SNX24: variants seen among roughly 807,000 people sequenced by gnomAD.
The protein encoded by SNX24 is sorting nexin 24.
A neutral mutation model predicts 28.7 loss-of-function variants in SNX24; 22 were observed. That is an observed-to-expected ratio of 0.77 (90% CI 0.55 to 1.10). SNX24 has a LOEUF of 1.10. Ranked by LOEUF, SNX24 falls within the 50% of genes least tolerant of loss-of-function variation. The pLI is 0.00. For synonymous variants in SNX24, 69 were observed against 71.5 expected, an observed-to-expected ratio of 0.96 and a Z score of 0.18; for missense variants, 221 against 201.1, an observed-to-expected ratio of 1.10 and a Z score of -0.60.
chr5:122,931,548 T>G (rs1758957446), intron 1 of SNX24, among the ~76,000 whole-genome samples: 1 of 152,158 alleles, frequency 6.6e-6, no homozygotes, highest in Admixed American at 6.5e-5. Flanking sequence ...AATGTTGATT[T>G]CAAGCCTGGC....
At chr5:123,025,946 T>C (rs1270522419) in intron 5 of SNX24, 3 of 1,606,382 alleles carry the variant, frequency 1.9e-6, no homozygotes, top group Non-Finnish European at 2.5e-6. Context: ...CATCTGGAAA[T>C]GTCTCACCAT....
rs1370173136 is a variant in SNX24, at chr5:122,879,705, GAGACAGGGTCTCAC to G, written c.60+34013_60+34026del. Among the ~76,000 whole-genome samples the G allele has an allele frequency of 2.0e-5, 3 of 152,100 alleles. No homozygotes were observed. The East Asian group carries it at 5.8e-4, about 29-fold the overall frequency. ...TATGTATGTATGTATGTATTTAATA[GAGACAGGGTCTCAC>G]TATGTTGTCCAGGCTGGTCTTAAAC... On this transcript the variant is annotated intron_variant, in intron 1 of 6. Coordinates refer to ENST00000261369, the MANE Select transcript of SNX24 (RefSeq NM_014035.4).
chr5:122,994,366 C>T (rs1216054596), intron 3 of SNX24, among the ~76,000 whole-genome samples: 1 of 152,186 alleles, frequency 6.6e-6, no homozygotes, highest in Non-Finnish European at 1.5e-5. Context: ...CGGCGTTATC[C>T]TGTGATATTT....
chr5:123,024,277 C>T (rs567184182), intron 5 of SNX24, among the ~76,000 whole-genome samples: 38 of 152,298 alleles, frequency 2.5e-4, no homozygotes, highest in African/African-American at 8.9e-4. Context: ...TTTAAATAAG[C>T]ATTTTATATT....
chr5:122,873,246 A>T lies in SNX24; in HGVS notation c.60+27553A>T, dbSNP rs572399302. Among the ~76,000 whole-genome samples, 5 of 152,086 alleles carry T rather than the reference A, an allele frequency of 3.3e-5. No homozygotes were observed. The South Asian group carries it at 8.3e-4, about 25-fold the overall frequency. On this transcript the variant is annotated intron_variant, in intron 1 of 6. Transcript: ENST00000261369. Reference sequence around the variant, plus strand: ...TACCTCAGCCTACCAAAGTGCTGGGATTTCCGGCATGAGACCATACCCAGT... The same window carrying T: ...TACCTCAGCCTACCAAAGTGCTGGGTTTTCCGGCATGAGACCATACCCAGT...
intron 3 of SNX24, chr5:122,965,658 T>C: frequency 3.4e-6 from 1 of 290,526 alleles, no homozygotes; most frequent in Non-Finnish European, 7.0e-6. Context: ...GTAATTTGGC[T>C]GTTGGGCTTT....
intron 3 of SNX24, among the ~76,000 whole-genome samples, chr5:122,957,015 T>G (rs1359758995): frequency 6.6e-6 from 1 of 152,214 alleles, no homozygotes; most frequent in African/African-American, 2.4e-5. Context: ...ATTTTAAATT[T>G]TCATGAAGTG....
chr5:123,005,309 C>G (rs1464745968), intron 6 of SNX24, among the ~76,000 whole-genome samples: 1 of 152,218 alleles, frequency 6.6e-6, no homozygotes, highest in Non-Finnish European at 1.5e-5. Flanking sequence ...TCAGCACTTG[C>G]TGTTCCCTCT....
At chr5:123,014,681 A>G (rs1762651462) in intron 5 of SNX24, among the ~76,000 whole-genome samples, 1 of 152,136 alleles carries the variant, frequency 6.6e-6, no homozygotes, top group African/African-American at 2.4e-5. Context: ...TGATCTTTTT[A>G]AAATGTTGAT....
chr5:122,951,669 A>G (rs1311372336), intron 3 of SNX24, among the ~76,000 whole-genome samples: 1 of 152,246 alleles, frequency 6.6e-6, no homozygotes, highest in African/African-American at 2.4e-5. Flanking sequence ...TAAGTAGTAG[A>G]TGGGCAAGGA....
At chr5:122,873,654 G>A (rs890451007) in intron 1 of SNX24, among the ~76,000 whole-genome samples, 2 of 151,992 alleles carry the variant, frequency 1.3e-5, no homozygotes, top group African/African-American at 4.8e-5. Context: ...GGTTTTTGAA[G>A]GCCTGAATTT....
chr5:123,028,786 T>G, intron 5 of SNX24: 1 of 1,612,240 alleles, frequency 6.2e-7, no homozygotes, highest in Non-Finnish European at 8.5e-7. Flanking sequence ...CCCAGTGCCA[T>G]CTCCAGTGGT....
At chr5:122,865,364 T>G (rs934361688) in intron 1 of SNX24, among the ~76,000 whole-genome samples, 2 of 152,270 alleles carry the variant, frequency 1.3e-5, no homozygotes, top group African/African-American at 4.8e-5. Flanking sequence ...TGAATCTTGC[T>G]CTGTTGCCCA....
chr5:122,854,922 C>A (rs1459365718), intron 1 of SNX24, among the ~76,000 whole-genome samples: 2 of 152,094 alleles, frequency 1.3e-5, no homozygotes, highest in Non-Finnish European at 2.9e-5. Flanking sequence ...AATGTACATA[C>A]CTTAATTAAA....
At chr5:122,952,879 C>G (rs944112914) in intron 3 of SNX24, among the ~76,000 whole-genome samples, 2 of 151,982 alleles carry the variant, frequency 1.3e-5, no homozygotes, top group Non-Finnish European at 2.9e-5. Flanking sequence ...CCATAAAGCA[C>G]AGATACAGAA....
downstream of SNX24, among the ~76,000 whole-genome samples, chr5:123,010,758 T>C (rs77745618): frequency 3.4e-3 from 525 of 152,336 alleles, 7 homozygotes; most frequent in African/African-American, 0.012. Context: ...TAATATTTCA[T>C]CTACATACAA....
intron 1 of SNX24, among the ~76,000 whole-genome samples, chr5:122,935,996 A>G (rs1182549997): frequency 6.6e-6 from 1 of 152,090 alleles, no homozygotes; most frequent in African/African-American, 2.4e-5. Context: ...TTAAAATTGT[A>G]TTTTCATGAG....
intron 1 of SNX24, among the ~76,000 whole-genome samples, chr5:122,919,797 A>C (rs911447071): frequency 4.6e-5 from 7 of 152,242 alleles, no homozygotes; most frequent in African/African-American, 1.7e-4. Flanking sequence ...TCCCCTCCCA[A>C]ACCAGGTGCT....
At chr5:122,922,641 G>T (rs1758488155) in intron 1 of SNX24, among the ~76,000 whole-genome samples, 1 of 151,828 alleles carries the variant, frequency 6.6e-6, no homozygotes, top group Non-Finnish European at 1.5e-5. Flanking sequence ...TTCATATTCT[G>T]CAGTTGCCAT....
Sources: allele counts gnomAD v4.1 joint callset (sites outside exome capture counted in the v4.1 genomes callset), GRCh38; gene constraint gnomAD v4.1.1; transcripts MANE v1.5; gene names NCBI Gene and HGNC (gene_info 2026-07-23, HGNC 2026-07-21).